ADK: variants seen among roughly 807,000 people sequenced by gnomAD.
The protein encoded by ADK is N6,N6-dimethyladenosine kinase.
ADK carries 24 observed loss-of-function variants against 44.7 expected under a neutral mutation model. That is an observed-to-expected ratio of 0.54 (90% confidence interval 0.39 to 0.76). The LOEUF is 0.76. ADK is among the 30% of genes least tolerant of loss of function. The pLI is 0.00. For missense variants in ADK, 321 were observed against 425.1 expected (o/e 0.76, Z 2.15); for synonymous variants, 128 against 142.6 (o/e 0.90, Z 0.73).
chr10:74,325,438 A>G lies in ADK; in HGVS notation c.273+10693A>G, dbSNP rs893378199. On this transcript the variant is annotated intron_variant, in intron 4 of 10. Transcript: ENST00000539909. ...ATCTTGTTGTCTTCAAACAAGAACA[A>G]TTTAATTTCTACCTTTCCAATTTGT... 6.6e-5 allele frequency among the ~76,000 whole-genome samples: 10 copies of G among 152,338 alleles called. No homozygotes were observed. The East Asian group carries it at 7.7e-4, about 12-fold the overall frequency.
intron 4 of ADK, among the ~76,000 whole-genome samples, chr10:74,379,539 C>G (rs1446697403): frequency 1.3e-5 from 2 of 152,154 alleles, no homozygotes. Flanking sequence ...TAATCTAGAA[C>G]TGCATATTTT....
chr10:74,231,844 T>C (rs1844777231), intron 3 of ADK, among the ~76,000 whole-genome samples: 2 of 152,222 alleles, frequency 1.3e-5, no homozygotes, highest in African/African-American at 4.8e-5. Context: ...TATTGCTTTT[T>C]AAACTAAGGT....
At chr10:74,160,999 T>C (rs1014929217) in intron 1 of ADK, among the ~76,000 whole-genome samples, 1 of 152,160 alleles carries the variant, frequency 6.6e-6, no homozygotes, top group African/African-American at 2.4e-5. Flanking sequence ...CTATAAAACT[T>C]TTCTACTCAC....
At chr10:74,539,273 C>T (rs1037157356) in intron 7 of ADK, among the ~76,000 whole-genome samples, 7 of 152,074 alleles carry the variant, frequency 4.6e-5, no homozygotes, top group African/African-American at 9.7e-5. Flanking sequence ...GCAGTCTTCC[C>T]GCCTTGGCCT....
chr10:74,515,296 A>G (rs901096136), intron 6 of ADK, among the ~76,000 whole-genome samples: 4 of 152,114 alleles, frequency 2.6e-5, no homozygotes, highest in African/African-American at 9.7e-5. Flanking sequence ...GTTTGTGGCA[A>G]TGGTGATGCC....
At chr10:74,471,914 C>A (rs1360183055) in intron 6 of ADK, among the ~76,000 whole-genome samples, 2 of 152,086 alleles carry the variant, frequency 1.3e-5, no homozygotes, top group East Asian at 3.8e-4. Flanking sequence ...TATGTGCAGT[C>A]TCTAGGCTTT....
intron 2 of ADK, among the ~76,000 whole-genome samples, chr10:74,218,844 G>A (rs1264260490): frequency 6.6e-6 from 1 of 152,140 alleles, no homozygotes; most frequent in East Asian, 1.9e-4. Context: ...CACCAGGCCT[G>A]CCCTAAAAGA....
intron 9 of ADK, among the ~76,000 whole-genome samples, chr10:74,635,379 C>T (rs1211188772): frequency 2.0e-5 from 3 of 152,128 alleles, no homozygotes; most frequent in Non-Finnish European, 4.4e-5. Context: ...CAATATTTTC[C>T]TTCAGTGATG....
intron 6 of ADK, among the ~76,000 whole-genome samples, chr10:74,473,594 C>G (rs1846692967): frequency 6.6e-6 from 1 of 152,130 alleles, no homozygotes. Context: ...TTGAGTTTAT[C>G]TGTTGTTTCC....
chr10:74,341,223 T>TA (rs1841571000), intron 4 of ADK, among the ~76,000 whole-genome samples: 1 of 152,192 alleles, frequency 6.6e-6, no homozygotes, highest in African/African-American at 2.4e-5. Flanking sequence ...TAAGGTTTCT[T>TA]ACACTTGCCA....
At chr10:74,569,477 T>C (rs551303234) in intron 7 of ADK, among the ~76,000 whole-genome samples, 1 of 152,326 alleles carries the variant, frequency 6.6e-6, no homozygotes, top group South Asian at 2.1e-4. Flanking sequence ...TTCTAACTGG[T>C]GTGAGATGGT....
intron 6 of ADK, among the ~76,000 whole-genome samples, chr10:74,452,818 G>A (rs1228457701): frequency 6.6e-6 from 1 of 151,974 alleles, no homozygotes; most frequent in Non-Finnish European, 1.5e-5. Flanking sequence ...CTGCCATAGA[G>A]TATTAAGAGT....
chr10:74,455,202 T>A (rs550504369), intron 6 of ADK, among the ~76,000 whole-genome samples: 1 of 152,174 alleles, frequency 6.6e-6, no homozygotes, highest in East Asian at 1.9e-4. Context: ...TCACAAAATG[T>A]TTGCTATAAA....
At chr10:74,677,658 C>A (rs1271529486) in intron 10 of ADK, among the ~76,000 whole-genome samples, 1 of 152,136 alleles carries the variant, frequency 6.6e-6, no homozygotes, top group Non-Finnish European at 1.5e-5. Flanking sequence ...CCCACATCTG[C>A]TGAGGATTTA....
At chr10:74,299,188 G>A (rs1839916319) in intron 3 of ADK, among the ~76,000 whole-genome samples, 1 of 152,062 alleles carries the variant, frequency 6.6e-6, no homozygotes, top group African/African-American at 2.4e-5. Context: ...TGTTGCTACT[G>A]ATAGTAGTAA....
intron 7 of ADK, among the ~76,000 whole-genome samples, chr10:74,553,852 C>G (rs909498413): frequency 1.3e-5 from 2 of 152,092 alleles, no homozygotes; most frequent in Non-Finnish European, 2.9e-5. Flanking sequence ...GCTACAAAAG[C>G]AAGTCAACCC....
chr10:74,606,548 A>G (rs1852330434), intron 9 of ADK, among the ~76,000 whole-genome samples: 1 of 152,154 alleles, frequency 6.6e-6, no homozygotes, highest in Non-Finnish European at 1.5e-5. Context: ...TGTGGTTCTG[A>G]GTGAGTTTCT....
chr10:74,154,518 C>T lies in ADK; in HGVS notation c.65+3175C>T, dbSNP rs187536411. Among the ~76,000 whole-genome samples, 6 of 152,306 alleles carry T rather than the reference C, an allele frequency of 3.9e-5. No homozygotes were observed. In the East Asian group the frequency reaches 5.8e-4, roughly 15 times the overall value. ...TTCTGACCTCAAGCGATCCACCTGC[C>T]TCAGCCTCCCAAAGTGTTGGGATTA... On this transcript the variant is annotated intron_variant, in intron 1 of 10. Transcript: ENST00000539909.
At chr10:74,340,833 G>T (rs1841559115) in intron 4 of ADK, among the ~76,000 whole-genome samples, 1 of 152,048 alleles carries the variant, frequency 6.6e-6, no homozygotes, top group African/African-American at 2.4e-5. Context: ...GATTAAAATG[G>T]CTGGCAAATT....
Sources: allele counts gnomAD v4.1 joint callset (sites outside exome capture counted in the v4.1 genomes callset), GRCh38; gene constraint gnomAD v4.1.1; transcripts MANE v1.5; gene names NCBI Gene and HGNC (gene_info 2026-07-23, HGNC 2026-07-21).